The following OAS1 variants were observed in gnomAD, a reference collection of about 807,000 sequenced individuals.
OAS1 encodes the protein 2'-5'-oligoadenylate synthetase 1.
A neutral mutation model predicts 38.5 loss-of-function variants in OAS1; 24 were observed. The observed-to-expected ratio is 0.62, with a 90% CI of 0.45 to 0.88. OAS1 has a LOEUF of 0.88. OAS1 is among the 40% of genes least tolerant of loss of function. The pLI is 0.00. For missense variants in OAS1, 482 were observed against 493.9 expected (o/e 0.98, Z 0.23); for synonymous variants, 169 against 193.9 (o/e 0.87, Z 1.07).
downstream of OAS1, among the ~76,000 whole-genome samples, chr12:112,924,380 C>G (rs1336211480): frequency 1.3e-5 from 2 of 152,004 alleles, no homozygotes; most frequent in Non-Finnish European, 2.9e-5. Context: ...TAATTTTATA[C>G]TCAATTTGTG....
intron 6 of OAS1, among the ~76,000 whole-genome samples, chr12:112,930,058 C>G (rs950269677): frequency 1.3e-5 from 2 of 152,114 alleles, no homozygotes; most frequent in Admixed American, 6.5e-5. Flanking sequence ...TTAACACCAT[C>G]GCCTTGGTGC....
rs541644527 is a variant in OAS1, at chr12:112,911,124, G to A, written c.543G>A (p.Gln181=). Residue 181 remains glutamine (Q), a synonymous_variant, in exon 3 of 6, where the codon CAG becomes CAA. Coordinates refer to ENST00000202917, the MANE Select transcript of OAS1 (RefSeq NM_016816.4). ...VKLIEECTDL[Q]KEGEFSTCFT... Reference sequence around the variant, plus strand: ...TCATCGAGGAGTGCACCGACCTGCAGAAAGAGGGCGAGTTCTCCACCTGCT... The same window carrying A: ...TCATCGAGGAGTGCACCGACCTGCAAAAAGAGGGCGAGTTCTCCACCTGCT... 1 of 1,614,116 alleles carries A rather than the reference G, an allele frequency of 6.2e-7. No individual in the cohort carries two copies. Among genetic ancestry groups the A allele is most frequent in the Admixed American group, 1.7e-5 (1 of 60,012 alleles).
rs1314202972 is a variant in OAS1, at chr12:112,916,694, C to A, written c.840C>A (p.Asn280Lys). Residue 280 changes from asparagine to lysine, a missense_variant, in exon 4 of 6, where the codon AAC becomes AAA. Physicochemically the swap from Asn to Lys is moderately conservative, Grantham distance 94. Transcript: ENST00000202917. The part of the protein sequence containing the change: ...IYWTKYYDFK[N>K]PIIEKYLRRQ... ...GGACAAAGTATTATGACTTTAAAAA[C>A]CCCATTATTGAAAAGTACCTGAGAA... is the stretch of plus-strand genomic sequence containing the variant. The A allele has an allele frequency of 6.2e-7, 1 of 1,614,142 alleles. No homozygotes were observed. Among genetic ancestry groups the A allele is most frequent in the Admixed American group, 1.7e-5 (1 of 60,010 alleles).
At chr12:112,922,845 C>T (rs1172959165), downstream of OAS1, among the ~76,000 whole-genome samples, 5 of 152,340 alleles carry the variant, frequency 3.3e-5, no homozygotes, top group East Asian at 5.8e-4. Context: ...GGGAAAACCT[C>T]GGCTTCACAA....
At chr12:112,912,572 G>A (rs2043399787) in intron 3 of OAS1, among the ~76,000 whole-genome samples, 1 of 152,210 alleles carries the variant, frequency 6.6e-6, no homozygotes, top group Admixed American at 6.5e-5. Flanking sequence ...CATGGAGCCT[G>A]AGCATTGTAG....
rs760164326 is a variant in OAS1 at position 112,908,683 on chromosome 12, CAAAG to C, written c.330_333del (p.Arg113HisfsTer4). 2.5e-6 allele frequency: 4 copies of C among 1,614,162 alleles called. No homozygotes were observed. Among genetic ancestry groups the C allele is most frequent in the Non-Finnish European group, 1.7e-6 (2 of 1,180,040 alleles). The stretch of plus-strand genomic sequence containing the variant: ...AATTAGGAGACAGCTGGAAGCCTGT[CAAAG>C]AGAGAGAGCATTTTCCGTGAAGTTT... On this transcript the variant is annotated frameshift_variant, in exon 2 of 6. Transcript: ENST00000202917. LOFTEE classifies it high-confidence loss of function.
chr12:112,907,548 C>A (rs374353893), intron 1 of OAS1: 46 of 262,472 alleles, frequency 1.8e-4, no homozygotes, highest in South Asian at 1.4e-3. Flanking sequence ...TTTGCTAATT[C>A]GTGGCCAGGC....
intron 2 of OAS1, chr12:112,909,117 A>G: frequency 2.4e-6 from 1 of 419,592 alleles, no homozygotes; most frequent in East Asian, 3.5e-5. Context: ...TCAGGCAGCA[A>G]AGATGTGGCT....
intron 6 of OAS1, among the ~76,000 whole-genome samples, chr12:112,929,102 C>A (rs1000101788): frequency 6.6e-6 from 1 of 152,212 alleles, no homozygotes; most frequent in African/African-American, 2.4e-5. Context: ...AGACAAGCCC[C>A]CAAGATGACC....
chr12:112,921,892 C>T (rs1340772564), downstream of OAS1, among the ~76,000 whole-genome samples: 2 of 152,110 alleles, frequency 1.3e-5, no homozygotes, highest in African/African-American at 4.8e-5. Context: ...ACCCTCAGGC[C>T]AATGTCGGGT....
chr12:112,921,829 G>A (rs113866710), downstream of OAS1, among the ~76,000 whole-genome samples: 330 of 152,302 alleles, frequency 2.2e-3, 2 homozygotes, highest in African/African-American at 7.7e-3. Flanking sequence ...CCAGGGAGGT[G>A]GCAGTTTCAA....
intron 5 of OAS1, chr12:112,918,533 C>T: frequency 5.2e-6 from 2 of 385,472 alleles, no homozygotes; most frequent in South Asian, 3.8e-5. Context: ...GTTGAATGGA[C>T]ATTCTACTTT....
In OAS1 at chr12:112,917,552, T is replaced by G. The variant is rs148741042; in HGVS notation, c.890T>G (p.Val297Gly). Residue 297 changes from valine to glycine, a missense_variant, in exon 5 of 6, where the codon GTG becomes GGG. Physicochemically the swap from Val to Gly is moderately radical, Grantham distance 109 (BLOSUM62 -3). Coordinates refer to ENST00000202917, the MANE Select transcript of OAS1 (RefSeq NM_016816.4). ...LRRQLTKPRP[V>G]ILDPADPTGN... ...CTCTAAATGCTGCTCTGCAGGCCTG[T>G]GATCCTGGACCCGGCGGACCCTACA... 950 of 1,614,034 alleles carry G rather than the reference T, an allele frequency of 5.9e-4. 3 individuals carry two copies. The highest frequency in any genetic ancestry group is 7.4e-4 in the Non-Finnish European group (870 of 1,180,034).
intron 3 of OAS1, among the ~76,000 whole-genome samples, chr12:112,915,394 G>A (rs2043441858): frequency 6.6e-6 from 1 of 152,070 alleles, no homozygotes; most frequent in Non-Finnish European, 1.5e-5. Context: ...CCCATTTTAT[G>A]TTTTTGTTTG....
At chr12:112,910,705 CATTGGCCACCAT>C (rs2136301285) in intron 2 of OAS1, among the ~76,000 whole-genome samples, 1 of 152,298 alleles carries the variant, frequency 6.6e-6, no homozygotes, top group East Asian at 1.9e-4. Flanking sequence ...CACCAGACAT[CATTGGCCACCAT>C]AAGATCTTTG....
At chr12:112,918,561 C>T (rs571920015) in intron 5 of OAS1, 25 of 429,508 alleles carry the variant, frequency 5.8e-5, no homozygotes, top group African/African-American at 4.8e-4. Flanking sequence ...TTGAAAAGTC[C>T]CATGAGGCAT....
At chr12:112,923,039 A>C (rs573331416), downstream of OAS1, among the ~76,000 whole-genome samples, 2 of 152,300 alleles carry the variant, frequency 1.3e-5, no homozygotes, top group Admixed American at 1.3e-4. Flanking sequence ...TCTTATTTTT[A>C]AAGGCTGTAT....
At chr12:112,913,417 C>T (rs1241084080) in intron 3 of OAS1, among the ~76,000 whole-genome samples, 1 of 152,190 alleles carries the variant, frequency 6.6e-6, no homozygotes, top group Non-Finnish European at 1.5e-5. Context: ...TGAAACTTCT[C>T]AGCCATTCTT....
intron 6 of OAS1, among the ~76,000 whole-genome samples, chr12:112,927,192 T>G (rs969414113): frequency 1.3e-5 from 2 of 152,232 alleles, no homozygotes; most frequent in Admixed American, 6.5e-5. Flanking sequence ...CCTCAGCTTA[T>G]GAAGATGACA....
Sources: allele counts gnomAD v4.1 joint callset (sites outside exome capture counted in the v4.1 genomes callset), GRCh38; gene constraint gnomAD v4.1.1; transcripts MANE v1.5; gene names NCBI Gene and HGNC (gene_info 2026-07-23, HGNC 2026-07-21).